The following PCCB variants were observed in gnomAD, a reference collection of about 807,000 sequenced individuals.
The protein encoded by PCCB is propionyl-CoA carboxylase beta chain, mitochondrial.
PCCB carries 43 observed loss-of-function variants against 60.7 expected under a neutral mutation model. The ratio of observed to expected loss-of-function variants is 0.71; its 90% CI spans 0.55 to 0.91. The LOEUF is 0.91. Ranked by LOEUF, PCCB falls within the 40% of genes least tolerant of loss-of-function variation. The probability of loss-of-function intolerance (pLI) is 0.00; values close to 1 mark genes in which losing one functional copy is unlikely to be tolerated. For synonymous variants in PCCB, 276 were observed against 255.9 expected, an observed-to-expected ratio of 1.08 and a Z score of -0.75; for missense variants, 766 against 702.8, an observed-to-expected ratio of 1.09 and a Z score of -1.02.
chr3:136,299,748 A>C (rs971279460), intron 8 of PCCB, among the ~76,000 whole-genome samples: 21 of 148,420 alleles, frequency 1.4e-4, no homozygotes, highest in Non-Finnish European at 2.7e-4. Context: ...ATGTATAGGT[A>C]TGCATGTGTG....
At chr3:136,324,191 C>T (rs1248080604) in intron 10 of PCCB, among the ~76,000 whole-genome samples, 4 of 152,006 alleles carry the variant, frequency 2.6e-5, no homozygotes, top group African/African-American at 9.7e-5. Flanking sequence ...AGAGATTCTC[C>T]CAAAGTAGCC....
At chr3:136,278,134 A>G (rs1313635797) in intron 5 of PCCB, among the ~76,000 whole-genome samples, 1 of 152,140 alleles carries the variant, frequency 6.6e-6, no homozygotes, top group Non-Finnish European at 1.5e-5. Flanking sequence ...ATGCCTGCAA[A>G]GCACTTCCCG....
At position 136,254,627 on chromosome 3, in the gene PCCB, G is replaced by T. The variant is rs1386970443; in HGVS notation, c.184-1229G>T. 2.8e-5 allele frequency among the ~76,000 whole-genome samples: 4 copies of T among 143,290 alleles called. No homozygotes were observed. The Admixed American group carries it at 3.0e-4, about 11-fold the overall frequency. The allele number at this position is 143,290 out of a possible 152,430, so 94.0% of individuals were successfully genotyped here. On this transcript the variant is annotated intron_variant, in intron 1 of 14. Transcript: ENST00000251654. ...AGCTCACCACAACCTCCGCTTCCCA[G>T]GTTCAAGTGATTCTCCTGCCTCAGC...
Position 136,268,087 on chromosome 3 carries a change from G to GATATATATAT in PCCB, c.543+6047_543+6056dup, listed in dbSNP as rs61160895. Among the ~76,000 whole-genome samples, 403 of 93,560 alleles carry GATATATATAT rather than the reference G, an allele frequency of 4.3e-3. 3 individuals carry two copies. The highest frequency in any genetic ancestry group is 8.2e-3 in the East Asian group (28 of 3,418). 61.4% of individuals were successfully genotyped at this position (93,560 alleles called of 152,430 possible). On this transcript the variant is annotated intron_variant, in intron 5 of 14. Transcript: ENST00000251654. Reference sequence around the variant, plus strand: ...GTGCGTGTGTGTGTGTGTGTGTGTAGATATATATATATATATATATATATA... The same window carrying GATATATATAT: ...GTGCGTGTGTGTGTGTGTGTGTGTAGATATATATATATATATATATATATATATATATATA...
Position 136,305,037 on chromosome 3 carries a change from C to A in PCCB, c.966+3926C>A, listed in dbSNP as rs1245041885. On this transcript the variant is annotated intron_variant, in intron 9 of 14. Transcript: ENST00000251654. ...AATTCCAGTCCTAACAGATTAGGGT[C>A]CCCCTCTTATGGCCCCGTTTAACTT... 4.1e-5 allele frequency among the ~76,000 whole-genome samples: 5 copies of A among 121,098 alleles called. 2 individuals carry two copies. The allele number at this position is 121,098 out of a possible 152,430, so 79.4% of individuals were successfully genotyped here. A position where few individuals can be genotyped will look rare whatever the true frequency, so the allele number is the denominator to read the frequency against.
rs1015530159 is a variant in PCCB, at chr3:136,264,448, G to GTGTATATATATATATA, written c.543+2384_543+2385insGTATATATATATATAT. On this transcript the variant is annotated intron_variant, in intron 5 of 14. Transcript: ENST00000251654. ...CATATATATGTGTGTGTGTATATAT[G>GTGTATATATATATATA]TATATATATATATGTTCCTCCTGGC... Among the ~76,000 whole-genome samples the GTGTATATATATATATA allele has an allele frequency of 3.7e-3, 399 of 107,290 alleles. 12 individuals carry two copies. The highest frequency in any genetic ancestry group is 0.025 in the East Asian group (129 of 5,102). 70.4% of individuals were successfully genotyped at this position (107,290 alleles called of 152,430 possible).
chr3:136,326,291 T>C, intron 10 of PCCB: 1 of 700,978 alleles, frequency 1.4e-6, no homozygotes, highest in Middle Eastern at 2.3e-4. Flanking sequence ...GGAGATTTAC[T>C]AGTAATTGAG....
chr3:136,293,695 C>G (rs551261472), intron 6 of PCCB, 61 bp from the exon 7 acceptor site: 1 of 1,038,254 alleles, frequency 9.6e-7, no homozygotes, highest in Non-Finnish European at 1.5e-6. Flanking sequence ...TGAATCAACT[C>G]TAAGGCTGTG....
At chr3:136,280,078 C>G (rs1208153861) in intron 5 of PCCB, among the ~76,000 whole-genome samples, 1 of 152,198 alleles carries the variant, frequency 6.6e-6, no homozygotes, top group Non-Finnish European at 1.5e-5. Flanking sequence ...AAAGACATTA[C>G]AAACCAAAGT....
intron 9 of PCCB, among the ~76,000 whole-genome samples, chr3:136,313,459 A>G (rs1249765339): frequency 6.6e-6 from 1 of 152,142 alleles, no homozygotes; most frequent in African/African-American, 2.4e-5. Flanking sequence ...ATTAAGTGAA[A>G]AAATTCAAAG....
At chr3:136,315,264 G>A (rs542908978) in intron 9 of PCCB, among the ~76,000 whole-genome samples, 17 of 152,300 alleles carry the variant, frequency 1.1e-4, no homozygotes, top group South Asian at 1.0e-3. Flanking sequence ...GTGGCCGGGC[G>A]CGGTGGCTCA....
intron 9 of PCCB, among the ~76,000 whole-genome samples, chr3:136,315,160 C>T (rs1326011775): frequency 6.6e-6 from 1 of 152,208 alleles, no homozygotes; most frequent in Admixed American, 6.5e-5. Context: ...GATCCTGGCT[C>T]AGGTTCTGGA....
At chr3:136,266,525 G>A (rs1249573322) in intron 5 of PCCB, among the ~76,000 whole-genome samples, 1 of 152,258 alleles carries the variant, frequency 6.6e-6, no homozygotes, top group African/African-American at 2.4e-5. Flanking sequence ...GGGGTCAAGC[G>A]ATCCTCCTGC....
intron 9 of PCCB, among the ~76,000 whole-genome samples, chr3:136,314,845 C>T (rs1934822835): frequency 6.6e-6 from 1 of 152,130 alleles, no homozygotes; most frequent in South Asian, 2.1e-4. Context: ...CAACGTATTT[C>T]CTCACAAAAT....
At chr3:136,257,499 A>G (rs1280929973) in intron 3 of PCCB, among the ~76,000 whole-genome samples, 1 of 152,182 alleles carries the variant, frequency 6.6e-6, no homozygotes, top group Non-Finnish European at 1.5e-5. Flanking sequence ...CAAGGCACTG[A>G]ATTTATATTA....
chr3:136,311,844 G>C (rs1934681698), intron 9 of PCCB, among the ~76,000 whole-genome samples: 1 of 152,100 alleles, frequency 6.6e-6, no homozygotes, highest in African/African-American at 2.4e-5. Flanking sequence ...GACATTCCTT[G>C]TTCCTGGGGT....
chr3:136,322,840 C>G (rs1464368031), intron 10 of PCCB, among the ~76,000 whole-genome samples: 2 of 152,084 alleles, frequency 1.3e-5, no homozygotes, highest in Non-Finnish European at 2.9e-5. Context: ...CTTAAATTTT[C>G]TCTCATTTTT....
intron 3 of PCCB, among the ~76,000 whole-genome samples, chr3:136,259,768 T>A (rs1941770895): frequency 6.6e-6 from 1 of 152,250 alleles, no homozygotes; most frequent in Admixed American, 6.5e-5. Flanking sequence ...ATGTATTTTT[T>A]TAAATACAGA....
In PCCB at chr3:136,325,906, C is replaced by A. The variant is rs981153829; in HGVS notation, c.1091-897C>A. Among the ~76,000 whole-genome samples the A allele has an allele frequency of 5.9e-5, 9 of 151,960 alleles. 1 individual carries two copies. Among genetic ancestry groups the A allele is most frequent in the Non-Finnish European group, 1.2e-4 (8 of 67,982 alleles). Reference sequence around the variant, plus strand: ...TCAGCTCACTGCAAGCTCCGCCTCCCGGGTTCACACCATTCTCCTGCCTCA... The same window carrying A: ...TCAGCTCACTGCAAGCTCCGCCTCCAGGGTTCACACCATTCTCCTGCCTCA... On this transcript the variant is annotated intron_variant, in intron 10 of 14. Coordinates refer to ENST00000251654, the MANE Select transcript of PCCB (RefSeq NM_000532.5).
Sources: allele counts gnomAD v4.1 joint callset (sites outside exome capture counted in the v4.1 genomes callset), GRCh38; gene constraint gnomAD v4.1.1; transcripts MANE v1.5; gene names NCBI Gene and HGNC (gene_info 2026-07-23, HGNC 2026-07-21).